The following FAT4 variants were observed in gnomAD, a reference collection of about 807,000 sequenced individuals.
The protein encoded by FAT4 is protocadherin Fat 4.
Under a neutral mutation model 303.9 loss-of-function variants are expected in FAT4, and 84 were observed. That is an observed-to-expected ratio of 0.28 (90% confidence interval 0.23 to 0.33). The LOEUF is 0.33. FAT4 is among the 10% of genes least tolerant of loss of function. The pLI is 1.00. For missense variants in FAT4, 6,005 were observed against 6,146.8 expected (o/e 0.98, Z 0.77); for synonymous variants, 2,307 against 2,298.8 (o/e 1.00, Z -0.10).
chr4:125,406,907 A>T lies in FAT4; in HGVS notation c.5335A>T (p.Ile1779Phe). The T allele has an allele frequency of 6.2e-7, 1 of 1,613,802 alleles. No individual in the cohort carries two copies. Among genetic ancestry groups the T allele is most frequent in the Non-Finnish European group, 8.5e-7 (1 of 1,179,812 alleles). Residue 1779 changes from isoleucine to phenylalanine, a missense_variant, in exon 4 of 18, where the codon ATC becomes TTC. Transcript: ENST00000394329. ...TGCAAATGCTCTCGTCACATACACT[A>T]TCATTAGTGGAGCTGATGATAGTTT... is the stretch of plus-strand genomic sequence containing the variant. Reference protein sequence around the residue: ...EGANALVTYTIISGADDSFRI... With the variant: ...EGANALVTYTFISGADDSFRI...
chr4:125,413,572 G>A (rs1734926451), intron 5 of FAT4, among the ~76,000 whole-genome samples: 1 of 149,732 alleles, frequency 6.7e-6, no homozygotes, highest in Non-Finnish European at 1.5e-5. Context: ...TTAGGCAAAG[G>A]ATATTAGAGA....
Position 125,448,747 on chromosome 4 carries a change from T to G in FAT4, c.7737T>G (p.Pro2579=), listed in dbSNP as rs2126057008. 6.2e-7 allele frequency: 1 copy of G among 1,613,340 alleles called. No homozygotes were observed. Among genetic ancestry groups the G allele is most frequent in the South Asian group, 1.1e-5 (1 of 91,080 alleles). Residue 2579 remains proline (P), a synonymous_variant, in exon 10 of 18, where the codon CCT becomes CCG. Coordinates refer to ENST00000394329, the MANE Select transcript of FAT4 (RefSeq NM_001291303.3). The part of the protein sequence containing the change: ...VRAKEQTFMF[P]ENQPVSSLVT... ...CCAAAGAACAAACGTTCATGTTTCCTGAAAACCAACCAGTCAGCTCTCTTG... is the reference window on the plus strand; with the variant it reads ...CCAAAGAACAAACGTTCATGTTTCCGGAAAACCAACCAGTCAGCTCTCTTG...
intron 2 of FAT4, among the ~76,000 whole-genome samples, chr4:125,396,192 T>C (rs1486164871): frequency 6.6e-6 from 1 of 152,124 alleles, no homozygotes; most frequent in Non-Finnish European, 1.5e-5. Context: ...CACTGGACTT[T>C]CATTAACTCA....
At chr4:125,460,457 C>A (rs760037977) in intron 10 of FAT4, among the ~76,000 whole-genome samples, 10 of 151,898 alleles carry the variant, frequency 6.6e-5, no homozygotes, top group Non-Finnish European at 1.2e-4. Context: ...TCCAGTAGAC[C>A]CCAGTGTCTG....
intron 9 of FAT4, among the ~76,000 whole-genome samples, chr4:125,447,293 C>T (rs1040070037): frequency 8.6e-5 from 13 of 151,930 alleles, no homozygotes; most frequent in South Asian, 2.1e-4. Flanking sequence ...CTTCCTTGCT[C>T]GGAAATATTT....
intron 2 of FAT4, among the ~76,000 whole-genome samples, chr4:125,388,425 G>A (rs1004894685): frequency 1.1e-4 from 16 of 152,102 alleles, no homozygotes; most frequent in Non-Finnish European, 7.4e-5. Context: ...AAATTTAGTG[G>A]CATTTTTTGT....
intron 2 of FAT4, among the ~76,000 whole-genome samples, chr4:125,385,491 ATTTTTCCAGTT>A (rs1482542803): frequency 1.3e-5 from 2 of 152,110 alleles, no homozygotes; most frequent in Non-Finnish European, 2.9e-5. Context: ...CATCTGTTTT[ATTTTTCCAGTT>A]TTTTTCCATA....
In FAT4 at chr4:125,415,306, G is replaced by A. The variant is rs1354059900; in HGVS notation, c.6343G>A (p.Glu2115Lys). The change falls in exon 6 of 18, where the codon GAA (glutamate) becomes AAA (lysine). Residue 2115 changes from glutamate to lysine, a missense_variant. By Grantham distance (56) the Glu-to-Lys change is moderately conservative. Transcript: ENST00000394329. ...EVRLTGELDR[E>K]EVSNYTLTVV... is the part of the protein sequence containing the mutation. ...GAGGCTCACTGGAGAACTGGACAGAGAAGAAGTTTCTAATTATACTCTAAC... is the reference window on the plus strand; with the variant it reads ...GAGGCTCACTGGAGAACTGGACAGAAAAGAAGTTTCTAATTATACTCTAAC... 6.8e-6 allele frequency: 11 copies of A among 1,613,992 alleles called. No individual in the cohort carries two copies. The Middle Eastern group carries it at 1.5e-3, about 218-fold the overall frequency.
chr4:125,487,597 G>T lies in FAT4; in HGVS notation c.13075G>T (p.Ala4359Ser), dbSNP rs368628139. The T allele has an allele frequency of 6.2e-7, 1 of 1,603,510 alleles. No individual in the cohort carries two copies. Among genetic ancestry groups the T allele is most frequent in the African/African-American group, 1.3e-5 (1 of 74,740 alleles). Residue 4359 changes from alanine to serine, a missense_variant, in exon 17 of 18, where the codon GCC becomes TCC. By Grantham distance (99) the Ala-to-Ser change is moderately conservative. Coordinates refer to ENST00000394329, the MANE Select transcript of FAT4 (RefSeq NM_001291303.3). ...TCCACCCAATCAAGCACATCGAGAT[G>T]CCCAAACAGGTAAATGCCTTTATTA... The part of the protein sequence containing the change: ...GIPPNQAHRD[A>S]QTAGFDGCIA...
intron 10 of FAT4, among the ~76,000 whole-genome samples, chr4:125,453,421 T>C (rs1008312401): frequency 2.6e-5 from 4 of 152,092 alleles, no homozygotes; most frequent in Admixed American, 2.6e-4. Context: ...AAATGATGTG[T>C]TATTGGGCCA....
Position 125,490,213 on chromosome 4 carries a change from T to C in FAT4, c.13397T>C (p.Met4466Thr). The C allele has an allele frequency of 1.2e-6, 2 of 1,614,052 alleles. No individual in the cohort carries two copies. Among genetic ancestry groups the C allele is most frequent in the Non-Finnish European group, 1.7e-6 (2 of 1,180,002 alleles). ...TCGCACACGGGAAGGACCTGTGAGA[T>C]GGTGGTGGCCTGTCTTGGCGTCCTC... ...PDSHTGRTCE[M>T]VVACLGVLCP... The change falls in exon 18 of 18, where the codon ATG becomes ACG. Residue 4466 changes from methionine (M) to threonine (T), a missense_variant. Met to Thr is a moderately conservative substitution (Grantham distance 81, BLOSUM62 -1). Transcript: ENST00000394329.
chr4:125,329,470 C>A (rs1367886111), intron 2 of FAT4, among the ~76,000 whole-genome samples: 1 of 152,184 alleles, frequency 6.6e-6, no homozygotes. Context: ...CCAATCACTT[C>A]TCAGCCTCGT....
At chr4:125,422,994 T>C (rs1055010715) in intron 7 of FAT4, among the ~76,000 whole-genome samples, 2 of 152,164 alleles carry the variant, frequency 1.3e-5, no homozygotes, top group African/African-American at 4.8e-5. Flanking sequence ...ATTTTGCCCC[T>C]GCCCTAGAGA....
Position 125,320,875 on chromosome 4 carries a change from T to G in FAT4, c.4464T>G (p.Phe1488Leu). Residue 1488 changes from phenylalanine (F) to leucine (L), a missense_variant, in exon 2 of 18, where the codon TTT becomes TTG. Physicochemically the swap from Phe to Leu is conservative, Grantham distance 22. Coordinates refer to ENST00000394329, the MANE Select transcript of FAT4 (RefSeq NM_001291303.3). ...CTAATGCTGAAATAGATCGGGAATT[T>G]GCTAATCTCTTTGAGTTGACTGTAA... ...IYTNAEIDRE[F>L]ANLFELTVKA... 1 of 1,614,220 alleles carries G rather than the reference T, an allele frequency of 6.2e-7. No homozygotes were observed. The highest frequency in any genetic ancestry group is 8.5e-7 in the Non-Finnish European group (1 of 1,180,018).
intron 8 of FAT4, among the ~76,000 whole-genome samples, chr4:125,440,608 TGTGAGAGA>T (rs1020321575): frequency 1.7e-5 from 1 of 57,326 alleles, no homozygotes; most frequent in Non-Finnish European, 3.2e-5. Context: ...TGTGTGTGTG[TGTGAGAGA>T]GAGAGAGAGA....
At chr4:125,382,891 A>G (rs906688575) in intron 2 of FAT4, among the ~76,000 whole-genome samples, 3 of 152,260 alleles carry the variant, frequency 2.0e-5, no homozygotes, top group East Asian at 1.9e-4. Context: ...CTTTTATGTT[A>G]TGGAGATGCC....
intron 2 of FAT4, among the ~76,000 whole-genome samples, chr4:125,387,535 C>T (rs1445563954): frequency 6.6e-6 from 1 of 152,052 alleles, no homozygotes; most frequent in African/African-American, 2.4e-5. Context: ...ATGAACTCTC[C>T]CCAATCTATG....
At chr4:125,406,677 A>G (rs1047579651) in intron 3 of FAT4, among the ~76,000 whole-genome samples, 3 of 152,132 alleles carry the variant, frequency 2.0e-5, no homozygotes, top group African/African-American at 7.2e-5. Context: ...TCTTTCAGCA[A>G]TGTTTTGTAA....
intron 2 of FAT4, among the ~76,000 whole-genome samples, chr4:125,346,279 C>A (rs769446861): frequency 6.6e-6 from 1 of 151,928 alleles, no homozygotes; most frequent in Non-Finnish European, 1.5e-5. Flanking sequence ...AAAATAAAAG[C>A]GGTAGCAGTG....
Sources: allele counts gnomAD v4.1 joint callset (sites outside exome capture counted in the v4.1 genomes callset), GRCh38; gene constraint gnomAD v4.1.1; transcripts MANE v1.5; gene names NCBI Gene and HGNC (gene_info 2026-07-23, HGNC 2026-07-21).